Variants in MAST4 observed in about 807,000 individuals in gnomAD.
MAST4 encodes microtubule associated serine/threonine kinase family member 4, also known as microtubule-associated serine/threonine-protein kinase 4.
MAST4 carries 89 observed loss-of-function variants against 162.7 expected under a neutral mutation model. The observed-to-expected ratio is 0.55, with a 90% confidence interval of 0.46 to 0.65. The LOEUF is 0.65. MAST4 is among the 30% of genes least tolerant of loss of function. MAST4 has a pLI of 0.00. For missense variants in MAST4, 3,153 were observed against 3,374.0 expected (o/e 0.93, Z 1.62); for synonymous variants, 1,479 against 1,361.1 (o/e 1.09, Z -1.91).
intron 3 of MAST4, among the ~76,000 whole-genome samples, chr5:66,831,641 C>T (rs1349137796): frequency 1.3e-5 from 2 of 152,188 alleles, no homozygotes; most frequent in Non-Finnish European, 2.9e-5. Flanking sequence ...GGCAGCACAA[C>T]TGAGTTGTTC....
At chr5:67,129,723 CAAA>C (rs887110911) in intron 14 of MAST4, among the ~76,000 whole-genome samples, 2 of 62,338 alleles carry the variant, frequency 3.2e-5, no homozygotes, top group African/African-American at 6.8e-5. Flanking sequence ...GACTCCATCT[CAAA>C]AAAAAAAAAG....
At chr5:67,001,571 G>T (rs558849083) in intron 4 of MAST4, 3 of 152,270 alleles carry the variant, frequency 2.0e-5, no homozygotes, top group Non-Finnish European at 4.4e-5. Flanking sequence ...CATAACATAT[G>T]ATGCCTGCAG....
intron 4 of MAST4, among the ~76,000 whole-genome samples, chr5:66,977,650 T>C (rs58215921): frequency 0.018 from 2,747 of 152,296 alleles, 80 homozygotes; most frequent in African/African-American, 0.063. Context: ...CTCACCTTGA[T>C]GGTCCCCATC....
At chr5:67,042,101 G>A (rs1381500962) in intron 4 of MAST4, among the ~76,000 whole-genome samples, 1 of 152,204 alleles carries the variant, frequency 6.6e-6, no homozygotes, top group Non-Finnish European at 1.5e-5. Flanking sequence ...TTGTAGAACA[G>A]TTACTGTATG....
intron 3 of MAST4, among the ~76,000 whole-genome samples, chr5:66,819,635 G>A (rs1756895323): frequency 6.6e-6 from 1 of 152,054 alleles, no homozygotes; most frequent in East Asian, 1.9e-4. Context: ...AAATTCCAGG[G>A]TGACCAGCTT....
chr5:66,624,146 G>GTTTTTTTTTTTTTTTTTTTTT (rs200030700), intron 1 of MAST4, among the ~76,000 whole-genome samples: 2 of 90,128 alleles, frequency 2.2e-5, no homozygotes, highest in Non-Finnish European at 2.0e-5. Flanking sequence ...TTGTTAAAAT[G>GTTTTTTTTTTTTTTTTTTTTT]TTTTTTTTTT....
chr5:66,959,059 G>C (rs1745662635), intron 4 of MAST4: 2 of 603,492 alleles, frequency 3.3e-6, no homozygotes, highest in South Asian at 2.0e-5. Flanking sequence ...GTTAACCTGA[G>C]GAAAGCAGCT....
Position 67,149,606 on chromosome 5 carries a change from T to C in MAST4, c.3295+17T>C, listed in dbSNP as rs1771551697. 1.2e-6 allele frequency: 2 copies of C among 1,610,258 alleles called. No homozygotes were observed. The highest frequency in any genetic ancestry group is 1.7e-5 in the Admixed American group (1 of 59,742). ...TCCCAGGAGGTAGAGAGATACTACT[T>C]GCATGAAATTGTGTGATTTGTGCAT... On this transcript the variant is annotated intron_variant, in intron 24 of 28. Transcript: ENST00000403625.
chr5:67,059,139 C>T (rs570715498), intron 5 of MAST4, among the ~76,000 whole-genome samples: 15 of 152,142 alleles, frequency 9.9e-5, no homozygotes, highest in Admixed American at 7.2e-4. Context: ...CTGAGTTCCC[C>T]GCTTCACCCT....
chr5:67,058,945 T>A (rs1759206106), intron 5 of MAST4, among the ~76,000 whole-genome samples: 1 of 152,210 alleles, frequency 6.6e-6, no homozygotes, highest in Non-Finnish European at 1.5e-5. Context: ...ACAACATGCA[T>A]TTATTAATCT....
chr5:66,947,512 CT>C (rs756216637), intron 4 of MAST4, among the ~76,000 whole-genome samples: 1 of 152,096 alleles, frequency 6.6e-6, no homozygotes, highest in Non-Finnish European at 1.5e-5. Context: ...GTATTTTAAG[CT>C]TTTTACTTTG....
At chr5:66,797,179 G>A (rs1031097504) in intron 3 of MAST4, among the ~76,000 whole-genome samples, 1 of 152,150 alleles carries the variant, frequency 6.6e-6, no homozygotes, top group Non-Finnish European at 1.5e-5. Flanking sequence ...GCATTGACGT[G>A]TTTGCTATCT....
At chr5:66,981,532 G>T (rs929439769) in intron 4 of MAST4, among the ~76,000 whole-genome samples, 1 of 152,180 alleles carries the variant, frequency 6.6e-6, no homozygotes, top group African/African-American at 2.4e-5. Flanking sequence ...CCAGGGATTT[G>T]CCAATGGAAA....
intron 2 of MAST4, among the ~76,000 whole-genome samples, chr5:66,767,870 A>T (rs796894353): frequency 6.6e-6 from 1 of 152,266 alleles, no homozygotes; most frequent in South Asian, 2.1e-4. Context: ...GCTAGCAGGT[A>T]ATTAGATAGT....
At chr5:66,959,173 C>T (rs1745685427) in intron 4 of MAST4, 6 of 777,576 alleles carry the variant, frequency 7.7e-6, no homozygotes, top group Admixed American at 5.1e-5. Flanking sequence ...TTCGGTTTGG[C>T]TCTCTGTCAT....
Position 67,078,650 on chromosome 5 carries a change from A to G in MAST4, c.764-11512A>G, listed in dbSNP as rs569104318. Among the ~76,000 whole-genome samples, 93 of 129,362 alleles carry G rather than the reference A, an allele frequency of 7.2e-4. 2 individuals carry two copies. The East Asian group carries it at 0.018, about 25-fold the overall frequency. 84.9% of individuals were successfully genotyped at this position (129,362 alleles called of 152,430 possible). On this transcript the variant is annotated intron_variant, in intron 5 of 28. Transcript: ENST00000403625. ...TATTTATATTTATATTTATATCTTTATATATATTTATTTTATATTTATATT... is the reference window on the plus strand; with the variant it reads ...TATTTATATTTATATTTATATCTTTGTATATATTTATTTTATATTTATATT...
intron 6 of MAST4, among the ~76,000 whole-genome samples, chr5:67,090,719 C>T (rs776317252): frequency 8.6e-5 from 13 of 151,530 alleles, no homozygotes; most frequent in African/African-American, 2.4e-4. Context: ...TGTCTCATAA[C>T]GGGACCACTG....
At chr5:66,704,752 A>C (rs1227864181) in intron 1 of MAST4, among the ~76,000 whole-genome samples, 1 of 152,004 alleles carries the variant, frequency 6.6e-6, no homozygotes, top group Non-Finnish European at 1.5e-5. Flanking sequence ...CGCCTGCCTC[A>C]GCCTCCCAAA....
At chr5:66,739,433 G>T (rs1486845640) in intron 1 of MAST4, among the ~76,000 whole-genome samples, 1 of 152,128 alleles carries the variant, frequency 6.6e-6, no homozygotes, top group Non-Finnish European at 1.5e-5. Context: ...GTAGAAATAG[G>T]TGGTAGAGAA....
Sources: gnomAD v4.1 joint callset for allele counts (sites outside exome capture counted in the v4.1 genomes callset) on GRCh38, gnomAD v4.1.1 for gene constraint, MANE v1.5 for transcripts, NCBI Gene and HGNC (gene_info 2026-07-23, HGNC 2026-07-21) for gene names.